Variants in MAP4K2 observed in about 807,000 individuals in gnomAD.
The protein encoded by MAP4K2 is mitogen-activated protein kinase kinase kinase kinase 2.
MAP4K2 carries 85 observed loss-of-function variants against 125.3 expected under a neutral mutation model. The ratio of observed to expected loss-of-function variants is 0.68; its 90% CI spans 0.57 to 0.81. The LOEUF is 0.81. Ranked by LOEUF, MAP4K2 falls within the 40% of genes least tolerant of loss-of-function variation. The probability of loss-of-function intolerance (pLI) is 0.00; values close to 1 mark genes in which losing one functional copy is unlikely to be tolerated. For synonymous variants in MAP4K2, 479 were observed against 445.1 expected (o/e 1.08, Z -0.96); for missense variants, 923 against 1,056.4 (o/e 0.87, Z 1.75).
At position 64,799,561 on chromosome 11, in the gene MAP4K2, GC is replaced by G. The variant is rs752489212; in HGVS notation, c.994+43del. ...TCACACCAAATCCATGTGCACACAG[GC>G]CCCCCAAAATCTGCACACACACAGC... On this transcript the variant is annotated intron_variant, in intron 13 of 31. Transcript: ENST00000294066. 14 of 1,602,580 alleles carry G rather than the reference GC, an allele frequency of 8.7e-6. No homozygotes were observed. The Admixed American group carries it at 1.2e-4, about 14-fold the overall frequency.
intron 7 of MAP4K2, 61 bp downstream of exon 7, chr11:64,801,518 C>T: frequency 1.3e-6 from 2 of 1,595,334 alleles, no homozygotes; most frequent in Middle Eastern, 1.7e-4. Context: ...ACCCTTGAGT[C>T]CAGGGTAGCC....
At position 64,797,101 on chromosome 11, in the gene MAP4K2, T is replaced by C. The variant is rs1481049124; in HGVS notation, c.1365+3A>G. 6.2e-7 allele frequency: 1 copy of C among 1,614,022 alleles called. No homozygotes were observed. Among genetic ancestry groups the C allele is most frequent in the Non-Finnish European group, 8.5e-7 (1 of 1,180,016 alleles). On this transcript the variant is annotated splice_donor_region_variant and intron_variant, in intron 19 of 31. Transcript: ENST00000294066. ...TCCCCACCCCACTGTAGCACCCTCT[T>C]ACCTCAGGATCCTCCCGCTGCTTCA...
rs1941174831 is a variant in MAP4K2 at position 64,801,631 on chromosome 11, T to C, written c.415-10A>G. On this transcript the variant is annotated splice_polypyrimidine_tract_variant and intron_variant, in intron 6 of 31. Coordinates refer to ENST00000294066, the MANE Select transcript of MAP4K2 (RefSeq NM_004579.5). The stretch of plus-strand genomic sequence containing the variant: ...GGAGAAGGTTGGCTCCCTGTGGGAA[T>C]GGAGGAGAGACAATCCCATCTGGTG... 6.2e-7 allele frequency: 1 copy of C among 1,613,986 alleles called. No individual in the cohort carries two copies.
Position 64,802,412 on chromosome 11 carries a change from G to A in MAP4K2, c.310+7C>T. ...GGGCCTGCTGGGGCCTGGAGCCCTG[G>A]CCTCACCATGGTAAATCTCCTGCAG... On this transcript the variant is annotated splice_region_variant and intron_variant, in intron 4 of 31. Transcript: ENST00000294066. The A allele has an allele frequency of 4.0e-6, 6 of 1,490,710 alleles. No individual in the cohort carries two copies. The highest frequency in any genetic ancestry group is 5.4e-6 in the Non-Finnish European group (6 of 1,120,080). The allele number at this position is 1,490,710 out of a possible 1,614,324, so 92.3% of individuals were successfully genotyped here. A position where few individuals can be genotyped will look rare whatever the true frequency, so the allele number is the denominator to read the frequency against.
Position 64,803,082 on chromosome 11 carries a change from C to T in MAP4K2, c.68G>A (p.Gly23Glu). Residue 23 changes from glycine to glutamate, a missense_variant, in exon 1 of 32, where the codon GGG (glycine) becomes GAG (glutamate). Gly to Glu is a moderately conservative substitution (Grantham distance 98). Around this residue, in one of 2 missense-constraint regions of MAP4K2, gnomAD observed 833 missense variants for 911.4 expected, o/e 0.91. Coordinates refer to ENST00000294066, the MANE Select transcript of MAP4K2 (RefSeq NM_004579.5). ...RDRFELLQRV[G>E]AGTYGDVYKA... ...GTAGACGTCGCCATAGGTCCCGGCCCCCACGCGCTGCAGCAGCTCGAAGCG... is the reference window on the plus strand; with the variant it reads ...GTAGACGTCGCCATAGGTCCCGGCCTCCACGCGCTGCAGCAGCTCGAAGCG... The T allele has an allele frequency of 1.2e-6, 2 of 1,602,506 alleles. No individual in the cohort carries two copies. Among genetic ancestry groups the T allele is most frequent in the Non-Finnish European group, 1.7e-6 (2 of 1,177,982 alleles).
At chr11:64,802,509 A>C in intron 3 of MAP4K2, 26 bp from the exon 4 acceptor site, 1 of 1,559,988 alleles carries the variant, frequency 6.4e-7, no homozygotes, top group Non-Finnish European at 8.7e-7. Context: ...TGGGGTGGGC[A>C]CAAAGCAGGT....
Position 64,801,296 on chromosome 11 carries a change from C to G in MAP4K2, c.458-113G>C, listed in dbSNP as rs1372639816. 6.0e-6 allele frequency: 8 copies of G among 1,339,542 alleles called. No homozygotes were observed. In the East Asian group the frequency reaches 1.0e-4, roughly 17 times the overall value. The allele number at this position is 1,339,542 out of a possible 1,614,324, so 83.0% of individuals were successfully genotyped here. ...GGGCTCAGACGGGCAGGTGGCCCCG[C>G]TTGGTCACAGCTGCCGCAGGCCCTA... On this transcript the variant is annotated intron_variant, in intron 7 of 31. Coordinates refer to ENST00000294066, the MANE Select transcript of MAP4K2 (RefSeq NM_004579.5).
intron 25 of MAP4K2, 29 bp downstream of exon 25, chr11:64,792,335 C>CCGGGG: frequency 6.6e-7 from 1 of 1,520,556 alleles, no homozygotes; most frequent in Non-Finnish European, 9.0e-7. Flanking sequence ...CACCAGGCCC[C>CCGGGG]GCCCCACCCC....
chr11:64,790,305 C>T lies in MAP4K2; in HGVS notation c.2162-31G>A, dbSNP rs138274379. The T allele has an allele frequency of 8.6e-4, 1,395 of 1,613,446 alleles. 13 individuals are homozygous for T. In the African/African-American group the frequency reaches 0.013, roughly 15 times the overall value. ...CAGGGAAGGAATTGGTGAGTGGGGA[C>T]GGGGAGGCTCCCTTCTGGGAAGGCA... On this transcript the variant is annotated intron_variant, in intron 28 of 31. Coordinates refer to ENST00000294066, the MANE Select transcript of MAP4K2 (RefSeq NM_004579.5).
rs768588508 is a variant in MAP4K2, at chr11:64,799,702, A to C, written c.916-19T>G. 1.9e-6 allele frequency: 3 copies of C among 1,608,442 alleles called. No individual in the cohort carries two copies. The highest frequency in any genetic ancestry group is 4.5e-5 in the East Asian group (2 of 44,836). Reference sequence around the variant, plus strand: ...CATAGGTCTAAGGAAAAACAGAAACAGTGTGGACACACCTGGCACGCGCCT... The same window carrying C: ...CATAGGTCTAAGGAAAAACAGAAACCGTGTGGACACACCTGGCACGCGCCT... On this transcript the variant is annotated intron_variant, in intron 12 of 31. Coordinates refer to ENST00000294066, the MANE Select transcript of MAP4K2 (RefSeq NM_004579.5).
intron 5 of MAP4K2, 94 bp from the exon 6 acceptor site, chr11:64,801,851 C>T: frequency 7.5e-7 from 1 of 1,326,844 alleles, no homozygotes. Context: ...ACTCAGGCTG[C>T]TTCTTCCTCC....
intron 24 of MAP4K2, among the ~76,000 whole-genome samples, chr11:64,795,961 C>T (rs1025119411): frequency 6.6e-6 from 1 of 152,174 alleles, no homozygotes; most frequent in East Asian, 1.9e-4. Context: ...CTCCATGTCC[C>T]GAAGCCCAGC....
chr11:64,786,507 T>C lies in MAP4K2; in HGVS notation c.*3030A>G, dbSNP rs960194238. 6.6e-6 allele frequency: 1 copy of C among 152,208 alleles called. No homozygotes were observed. The highest frequency in any genetic ancestry group is 2.4e-5 in the African/African-American group (1 of 41,440). The allele number at this position is 152,208 out of a possible 1,614,324, so 9.4% of individuals were successfully genotyped here. On this transcript the variant is annotated 3_prime_UTR_variant, in exon 32 of 32. Transcript: ENST00000294066. ...CGCCGTCCCGAAGCACACATCATGGTGCTCCCCTTGACTTTCACCAGGATG... is the reference window on the plus strand; with the variant it reads ...CGCCGTCCCGAAGCACACATCATGGCGCTCCCCTTGACTTTCACCAGGATG...
intron 27 of MAP4K2, 133 bp from the exon 28 acceptor site, chr11:64,790,595 G>T (rs747690654): frequency 2.6e-6 from 2 of 768,914 alleles, no homozygotes; most frequent in Non-Finnish European, 4.3e-6. Flanking sequence ...TGTGGGGCTG[G>T]GAAACCTCAT....
At position 64,785,594 on chromosome 11, in the gene MAP4K2, T is replaced by C. The variant is rs1198510043; in HGVS notation, c.*3943A>G. The C allele has an allele frequency of 1.8e-5, 2 of 112,724 alleles. No individual in the cohort carries two copies. The highest frequency in any genetic ancestry group is 3.6e-5 in the Non-Finnish European group (2 of 55,316). 7.0% of individuals were successfully genotyped at this position (112,724 alleles called of 1,614,324 possible). On this transcript the variant is annotated 3_prime_UTR_variant, in exon 32 of 32. Transcript: ENST00000294066. ...TTTTTTAAAAATTTTTTTCCTTTTT[T>C]TTTTTTTCTTTTTGAGACAGGTTCT...
chr11:64,797,343 T>G lies in MAP4K2; in HGVS notation c.1208A>C (p.Lys403Thr), dbSNP rs772123022. Reference protein sequence around the residue: ...DSPDDTMGTIKRAPFLGPLPT... With the variant: ...DSPDDTMGTITRAPFLGPLPT... The stretch of plus-strand genomic sequence containing the variant: ...GAGTGGCCCTAGGAACGGGGCCCGC[T>G]TGATGGTTCCCATGGTATCGTCTGG... The change falls in exon 18 of 32, where the codon AAG becomes ACG. Residue 403 changes from lysine to threonine, a missense_variant. Around this residue, in one of 2 missense-constraint regions of MAP4K2, gnomAD observed 833 missense variants for 911.4 expected, o/e 0.91. Transcript: ENST00000294066. 7 of 1,598,890 alleles carry G rather than the reference T, an allele frequency of 4.4e-6. No homozygotes were observed. Among genetic ancestry groups the G allele is most frequent in the Non-Finnish European group, 6.0e-6 (7 of 1,172,842 alleles).
At position 64,802,620 on chromosome 11, in the gene MAP4K2, G is replaced by A. The variant is rs1179171157; in HGVS notation, c.188C>T (p.Thr63Ile). ...DDISSLQQEITILRECRHPNV... is the reference protein window; with the variant it reads ...DDISSLQQEIIILRECRHPNV... The stretch of plus-strand genomic sequence containing the variant: ...GGGGTGGCGGCACTCACGCAGGATG[G>A]TGATTTCCTGCTGGAGGGAGCTGAT... Residue 63 changes from threonine to isoleucine, a missense_variant, in exon 3 of 32, where the codon ACC (threonine) becomes ATC (isoleucine). Physicochemically the swap from Thr to Ile is moderately conservative, Grantham distance 89. Around this residue, in one of 2 missense-constraint regions of MAP4K2, gnomAD observed 833 missense variants for 911.4 expected, o/e 0.91. Coordinates refer to ENST00000294066, the MANE Select transcript of MAP4K2 (RefSeq NM_004579.5). The A allele has an allele frequency of 1.2e-6, 2 of 1,612,304 alleles. No homozygotes were observed. The highest frequency in any genetic ancestry group is 2.7e-5 in the African/African-American group (2 of 74,920).
rs1307776916 is a variant in MAP4K2 at position 64,789,063 on chromosome 11, A to G, written c.*474T>C. ...GGCCCTGCCCTTCTGTGGTGCCCAC[A>G]GAAACGTGTGTTGGAGGGAAGGAGG... On this transcript the variant is annotated 3_prime_UTR_variant, in exon 32 of 32. Transcript: ENST00000294066. The G allele has an allele frequency of 2.9e-5, 5 of 172,638 alleles. No homozygotes were observed. Among genetic ancestry groups the G allele is most frequent in the Non-Finnish European group, 5.0e-5 (4 of 79,976 alleles). 10.7% of individuals were successfully genotyped at this position (172,638 alleles called of 1,614,324 possible).
In MAP4K2 at chr11:64,790,208, TC is replaced by T. The variant is rs1282560129; in HGVS notation, c.2227del (p.Asp743IlefsTer32). The T allele has an allele frequency of 1.2e-6, 2 of 1,614,084 alleles. No individual in the cohort carries two copies. The highest frequency in any genetic ancestry group is 3.3e-5 in the Admixed American group (2 of 60,014). ...TATLAPELTF[D>X]FPIETVVCLQ... ...CTCACCCACAGTCTCGATGGGGAAA[TC>T]AAAGGTCAGCTCAGGTGCCAGTGTG... On this transcript the variant is annotated frameshift_variant, in exon 29 of 32. Transcript: ENST00000294066. LOFTEE classifies it high-confidence loss of function.
Sources: allele counts gnomAD v4.1 joint callset (sites outside exome capture counted in the v4.1 genomes callset), GRCh38; gene constraint gnomAD v4.1.1; regional missense constraint gnomAD v4.1.1; transcripts MANE v1.5; gene names NCBI Gene and HGNC (gene_info 2026-07-23, HGNC 2026-07-21).